The following IL1RAPL1 variants were observed in gnomAD, a reference collection of about 807,000 sequenced individuals.
The protein encoded by IL1RAPL1 is interleukin 1 receptor accessory protein like 1.
Under a neutral mutation model 48.4 loss-of-function variants are expected in IL1RAPL1, and 3 were observed. The ratio of observed to expected loss-of-function variants is 0.06; its 90% CI spans 0.03 to 0.16. IL1RAPL1 has a LOEUF of 0.16. Among genes scored for constraint, IL1RAPL1 ranks in the 10% least tolerant of loss-of-function variants. IL1RAPL1 has a pLI of 1.00. For missense variants in IL1RAPL1, 349 were observed against 530.6 expected (o/e 0.66, Z 3.36); for synonymous variants, 185 against 187.7 (o/e 0.99, Z 0.12).
At chrX:29,825,562 G>A (rs954885102) in intron 6 of IL1RAPL1, among the ~76,000 whole-genome samples, 1 of 111,603 alleles carries the variant, frequency 9.0e-6, no homozygotes, top group African/African-American at 3.3e-5. Context: ...AACAGCGGAT[G>A]CTCTGGTGAA....
At chrX:28,625,056 A>G (rs780581687) in intron 1 of IL1RAPL1, among the ~76,000 whole-genome samples, 1 of 112,019 alleles carries the variant, frequency 8.9e-6, no homozygotes, top group East Asian at 2.8e-4. Flanking sequence ...CAGAGTCTCT[A>G]CAAGGTAACC....
chrX:29,346,740 T>C (rs1032376390), intron 3 of IL1RAPL1, among the ~76,000 whole-genome samples: 24 of 112,267 alleles, frequency 2.1e-4, no homozygotes, highest in Non-Finnish European at 3.2e-4. Flanking sequence ...AGCTAATTGA[T>C]TTTGTGAATT....
At chrX:29,749,779 C>T (rs751793040) in intron 6 of IL1RAPL1, among the ~76,000 whole-genome samples, 24 of 112,203 alleles carry the variant, frequency 2.1e-4, no homozygotes, top group African/African-American at 7.4e-4. Context: ...TTGGAAAATT[C>T]TATGTGGTGG....
At chrX:29,678,215 C>T (rs1419246772) in intron 6 of IL1RAPL1, among the ~76,000 whole-genome samples, 5 of 109,851 alleles carry the variant, frequency 4.6e-5, no homozygotes, top group Admixed American at 2.9e-4. Context: ...ACATGTGCTC[C>T]GAAACATGCC....
chrX:29,418,417 C>T (rs1934250893), intron 5 of IL1RAPL1, among the ~76,000 whole-genome samples: 1 of 109,069 alleles, frequency 9.2e-6, no homozygotes, highest in Non-Finnish European at 1.9e-5. Flanking sequence ...TGAGCCACTG[C>T]GCCCGGCCAA....
chrX:29,501,184 A>G (rs1268275663), intron 5 of IL1RAPL1, among the ~76,000 whole-genome samples: 1 of 111,966 alleles, frequency 8.9e-6, no homozygotes, highest in African/African-American at 3.2e-5. Context: ...CTCCTCATGT[A>G]TTCTGACTAT....
At chrX:29,619,036 A>G (rs1402662899) in intron 5 of IL1RAPL1, among the ~76,000 whole-genome samples, 2 of 111,983 alleles carry the variant, frequency 1.8e-5, no homozygotes, top group East Asian at 5.6e-4. Context: ...TTTGACATAC[A>G]AAATGGTCAA....
chrX:28,895,871 A>C (rs1476133519), intron 2 of IL1RAPL1, among the ~76,000 whole-genome samples: 3 of 112,146 alleles, frequency 2.7e-5, no homozygotes, highest in African/African-American at 9.7e-5. Context: ...TAAGCCGAGA[A>C]GATCTGGGAA....
At chrX:29,265,133 G>A (rs1270834168) in intron 2 of IL1RAPL1, among the ~76,000 whole-genome samples, 2 of 110,530 alleles carry the variant, frequency 1.8e-5, no homozygotes, top group Non-Finnish European at 1.9e-5. Context: ...GGCTGGTCTC[G>A]AACTCCTGGC....
intron 2 of IL1RAPL1, among the ~76,000 whole-genome samples, chrX:29,213,602 A>T (rs1930812634): frequency 8.9e-6 from 1 of 112,627 alleles, no homozygotes. Context: ...CTTATTCATT[A>T]TTCTCATCTG....
intron 3 of IL1RAPL1, among the ~76,000 whole-genome samples, chrX:29,313,723 G>T (rs752162003): frequency 2.6e-4 from 29 of 111,924 alleles, no homozygotes; most frequent in Admixed American, 9.5e-4. Context: ...ACAAGTCCTA[G>T]AAATGTTACT....
At chrX:29,240,195 C>CACATATATATATATATATAT (rs1555979978) in intron 2 of IL1RAPL1, among the ~76,000 whole-genome samples, 2 of 27,226 alleles carry the variant, frequency 7.3e-5, no homozygotes, top group African/African-American at 4.2e-4. Flanking sequence ...CACACACACA[C>CACATATATATATATATATAT]ATATATATAT....
chrX:29,279,178 C>A (rs1307503196), intron 2 of IL1RAPL1, among the ~76,000 whole-genome samples: 1 of 112,264 alleles, frequency 8.9e-6, no homozygotes, highest in Non-Finnish European at 1.9e-5. Context: ...GTGGCTCACT[C>A]CTGTAATCCC....
chrX:29,814,772 G>A (rs923476463), intron 6 of IL1RAPL1, among the ~76,000 whole-genome samples: 6 of 111,828 alleles, frequency 5.4e-5, no homozygotes, highest in Non-Finnish European at 9.4e-5. Flanking sequence ...TGAAAAGTAG[G>A]GATCCAGTTT....
intron 6 of IL1RAPL1, among the ~76,000 whole-genome samples, chrX:29,767,923 T>A (rs1928954612): frequency 9.0e-6 from 1 of 110,598 alleles, no homozygotes; most frequent in South Asian, 3.8e-4. Flanking sequence ...CAAATCTCTG[T>A]GCTAAGTTTA....
intron 5 of IL1RAPL1, among the ~76,000 whole-genome samples, chrX:29,649,633 CA>C (rs1187297646): frequency 9.0e-6 from 1 of 111,557 alleles, no homozygotes; most frequent in African/African-American, 3.3e-5. Context: ...CCATATGTGA[CA>C]AACCTACAGC....
At chrX:29,544,632 A>G (rs1322502900) in intron 5 of IL1RAPL1, among the ~76,000 whole-genome samples, 1 of 111,544 alleles carries the variant, frequency 9.0e-6, no homozygotes, top group Non-Finnish European at 1.9e-5. Context: ...AATGTTATTA[A>G]AATTAAAGCA....
At chrX:29,084,526 T>C (rs1927910568) in intron 2 of IL1RAPL1, among the ~76,000 whole-genome samples, 1 of 112,215 alleles carries the variant, frequency 8.9e-6, no homozygotes, top group African/African-American at 3.2e-5. Context: ...ATCAATCTTA[T>C]TATTTTAGGA....
chrX:29,793,804 A>G (rs757645049), intron 6 of IL1RAPL1, among the ~76,000 whole-genome samples: 46 of 112,228 alleles, frequency 4.1e-4, no homozygotes, highest in Non-Finnish European at 8.1e-4. Flanking sequence ...GGAAGGAAGC[A>G]TAGGGTTGGA....
Sources: gnomAD v4.1 joint callset for allele counts (sites outside exome capture counted in the v4.1 genomes callset) on GRCh38, gnomAD v4.1.1 for gene constraint, MANE v1.5 for transcripts, NCBI Gene and HGNC (gene_info 2026-07-23, HGNC 2026-07-21) for gene names.